The following PDE10A variants were observed in gnomAD, a reference collection of about 807,000 sequenced individuals.
PDE10A encodes the protein cAMP and cAMP-inhibited cGMP 3',5'-cyclic phosphodiesterase 10A.
Under a neutral mutation model 97.7 loss-of-function variants are expected in PDE10A, and 39 were observed. The observed-to-expected ratio is 0.40, with a 90% CI of 0.31 to 0.52. The LOEUF (loss-of-function observed/expected upper bound fraction) is 0.52. Ranked by LOEUF, PDE10A falls within the 20% of genes least tolerant of loss-of-function variation. PDE10A has a pLI of 0.56. For missense variants in PDE10A, 731 were observed against 1,047.8 expected (o/e 0.70, Z 4.17); for synonymous variants, 371 against 376.8 (o/e 0.98, Z 0.18).
At chr6:165,747,559 C>T (rs1792870727) in intron 1 of PDE10A, among the ~76,000 whole-genome samples, 1 of 151,560 alleles carries the variant, frequency 6.6e-6, no homozygotes, top group African/African-American at 2.4e-5. Context: ...GGCAATTTGG[C>T]TGAAGTCTGT....
intron 1 of PDE10A, among the ~76,000 whole-genome samples, chr6:165,895,782 G>A (rs1420471977): frequency 6.6e-6 from 1 of 152,092 alleles, no homozygotes; most frequent in African/African-American, 2.4e-5. Flanking sequence ...TTGCCTGTGA[G>A]GGCCTCGGCA....
intron 11 of PDE10A, among the ~76,000 whole-genome samples, chr6:165,416,945 T>A (rs1788360080): frequency 6.6e-6 from 1 of 152,200 alleles, no homozygotes; most frequent in African/African-American, 2.4e-5. Flanking sequence ...TTTGCAAAAA[T>A]ATTTTCATAC....
At chr6:165,533,077 T>G (rs2128316051) in intron 2 of PDE10A, among the ~76,000 whole-genome samples, 2 of 152,342 alleles carry the variant, frequency 1.3e-5, no homozygotes, top group East Asian at 3.9e-4. Context: ...CAAGCAAATT[T>G]AATTTATTTT....
intron 1 of PDE10A, among the ~76,000 whole-genome samples, chr6:165,835,698 C>T (rs1583167557): frequency 6.6e-6 from 1 of 152,108 alleles, no homozygotes; most frequent in South Asian, 2.1e-4. Context: ...CCGGAGCTCC[C>T]GCCAATGCAC....
chr6:165,388,228 C>T lies in PDE10A; in HGVS notation c.2610+70G>A, dbSNP rs1785439232. 7 of 1,397,040 alleles carry T rather than the reference C, an allele frequency of 5.0e-6. No homozygotes were observed. The highest frequency in any genetic ancestry group is 2.5e-5 in the South Asian group (2 of 80,064). 86.5% of individuals were successfully genotyped at this position (1,397,040 alleles called of 1,614,324 possible). ...GGAAGCCATAATGATCTTCCTTTTC[C>T]ACCTATGAAGTATCCCTATCTCCCA... On this transcript the variant is annotated intron_variant, in intron 17 of 21. Transcript: ENST00000539869. This position sits in a 1 kb window ranked among gnomAD's most constrained non-coding sequence, Gnocchi z 4.0.
intron 1 of PDE10A, among the ~76,000 whole-genome samples, chr6:165,978,588 C>A (rs1223415534): frequency 1.3e-5 from 2 of 152,088 alleles, no homozygotes; most frequent in African/African-American, 4.8e-5. Flanking sequence ...CATATGAATC[C>A]AAATTTGGGA....
At chr6:165,689,271 C>T (rs1415998902) in intron 1 of PDE10A, among the ~76,000 whole-genome samples, 2 of 152,156 alleles carry the variant, frequency 1.3e-5, no homozygotes, top group African/African-American at 2.4e-5. Context: ...AGTGTTGTTT[C>T]AAGGGTTAAA....
intron 1 of PDE10A, among the ~76,000 whole-genome samples, chr6:165,968,407 C>A (rs572272386): frequency 1.3e-5 from 2 of 152,306 alleles, no homozygotes; most frequent in African/African-American, 4.8e-5. Context: ...ACAATGTCAC[C>A]ATGAAGCCAC....
intron 3 of PDE10A, among the ~76,000 whole-genome samples, chr6:165,465,643 G>A (rs1019470215): frequency 6.6e-6 from 1 of 152,188 alleles, no homozygotes; most frequent in Non-Finnish European, 1.5e-5. Flanking sequence ...ATAGTGGAAG[G>A]TACCACGTCA....
intron 1 of PDE10A, among the ~76,000 whole-genome samples, chr6:165,833,079 CTA>C (rs1779969822): frequency 1.3e-5 from 2 of 152,180 alleles, no homozygotes; most frequent in Admixed American, 6.5e-5. Flanking sequence ...TTTTACAGTC[CTA>C]TAACATCTTT....
chr6:165,749,469 ACACCATCAACACCATCAT>A (rs1792944752), intron 1 of PDE10A, among the ~76,000 whole-genome samples: 1 of 145,630 alleles, frequency 6.9e-6, no homozygotes, highest in Non-Finnish European at 1.5e-5. Context: ...ATCATCAACA[ACACCATCAACACCATCAT>A]CACCATCACC....
intron 1 of PDE10A, among the ~76,000 whole-genome samples, chr6:165,558,568 C>T (rs1400540156): frequency 6.6e-6 from 1 of 152,094 alleles, no homozygotes; most frequent in Non-Finnish European, 1.5e-5. Context: ...TTTTTTCTTT[C>T]TTTGCTCGCA....
rs528327206 is a variant in PDE10A at position 165,819,434 on chromosome 6, C to T, written c.-615+168095G>A. Among the ~76,000 whole-genome samples the T allele has an allele frequency of 1.9e-3, 287 of 152,290 alleles. 1 individual carries two copies. The highest frequency in any genetic ancestry group is 6.4e-3 in the African/African-American group (265 of 41,564). Reference sequence around the variant, plus strand: ...CTGCACTGTTCCATTTCATGCAATCCGTCCTCCAGACGGCCGCTGGCACCA... The same window carrying T: ...CTGCACTGTTCCATTTCATGCAATCTGTCCTCCAGACGGCCGCTGGCACCA... On this transcript the variant is annotated intron_variant, in intron 1 of 19. Coordinates refer to the PDE10A transcript ENST00000366882. This position sits in a 1 kb window ranked among gnomAD's most constrained non-coding sequence, Gnocchi z 4.2.
intron 1 of PDE10A, among the ~76,000 whole-genome samples, chr6:165,898,158 C>A (rs1782008354): frequency 6.6e-6 from 1 of 152,028 alleles, no homozygotes; most frequent in African/African-American, 2.4e-5. Context: ...CTTCTTACTG[C>A]TGTGCCCAGA....
At chr6:165,396,573 G>A (rs1786180372) in intron 13 of PDE10A, 114 bp from the exon 14 acceptor site, 1 of 1,000,982 alleles carries the variant, frequency 1.0e-6, no homozygotes, top group Non-Finnish European at 1.5e-6. Flanking sequence ...TAAAACCAAA[G>A]TGGATTTATT....
intron 10 of PDE10A, among the ~76,000 whole-genome samples, chr6:165,425,770 C>CATATGTGTGTGTGTGTGTGTGTGTGT (rs112669910): frequency 6.2e-5 from 9 of 144,128 alleles, no homozygotes; most frequent in African/African-American, 2.4e-4. Flanking sequence ...AAGGCATGAT[C>CATATGTGTGTGTGTGTGTGTGTGTGT]GTGTGTGTGT....
chr6:165,619,181 A>C (rs1243394683), intron 1 of PDE10A, among the ~76,000 whole-genome samples: 1 of 142,720 alleles, frequency 7.0e-6, no homozygotes, highest in African/African-American at 2.9e-5. Flanking sequence ...AGTCTAGTGT[A>C]GTGTAGTCTA....
intron 2 of PDE10A, among the ~76,000 whole-genome samples, chr6:165,503,528 A>T (rs1295906694): frequency 6.6e-6 from 1 of 152,166 alleles, no homozygotes; most frequent in Admixed American, 6.5e-5. Context: ...CCATCAAGAA[A>T]TAACAGGCCT....
intron 1 of PDE10A, among the ~76,000 whole-genome samples, chr6:165,605,815 A>C (rs776967632): frequency 6.6e-6 from 1 of 152,204 alleles, no homozygotes; most frequent in Non-Finnish European, 1.5e-5. Context: ...GAAAGGTTGG[A>C]GAGTGGGGAG....
Sources: gnomAD v4.1 joint callset for allele counts (sites outside exome capture counted in the v4.1 genomes callset) on GRCh38, gnomAD v4.1.1 for gene constraint, Gnocchi (gnomAD v3.1) non-coding constraint, MANE v1.5 for transcripts, NCBI Gene and HGNC (gene_info 2026-07-23, HGNC 2026-07-21) for gene names.